Variants in ROBO1 observed in about 807,000 individuals in gnomAD.
ROBO1 encodes the protein roundabout guidance receptor 1.
A neutral mutation model predicts 195.9 loss-of-function variants in ROBO1; 149 were observed. The ratio of observed to expected loss-of-function variants is 0.76; its 90% confidence interval spans 0.67 to 0.87. ROBO1 has a LOEUF of 0.87. Ranked by LOEUF, ROBO1 falls within the 40% of genes least tolerant of loss-of-function variation. The probability of loss-of-function intolerance (pLI) is 0.00; values close to 1 mark genes in which losing one functional copy is unlikely to be tolerated. For synonymous variants in ROBO1, 816 were observed against 733.2 expected, an observed-to-expected ratio of 1.11 and a Z score of -1.82; for missense variants, 1,933 against 2,068.3, an observed-to-expected ratio of 0.93 and a Z score of 1.27.
At chr3:79,604,038 T>C (rs1477592822) in intron 1 of ROBO1, among the ~76,000 whole-genome samples, 1 of 152,056 alleles carries the variant, frequency 6.6e-6, no homozygotes, top group Non-Finnish European at 1.5e-5. Context: ...GTTCTTTTAA[T>C]AAACAATTTC....
intron 4 of ROBO1, among the ~76,000 whole-genome samples, chr3:78,821,552 CT>C (rs1167151167): frequency 6.6e-6 from 1 of 152,050 alleles, no homozygotes; most frequent in East Asian, 1.9e-4. Context: ...CATTTTTCCC[CT>C]CTAAATTGCT....
chr3:79,587,267 C>T (rs1353903651), intron 2 of ROBO1, among the ~76,000 whole-genome samples: 1 of 151,644 alleles, frequency 6.6e-6, no homozygotes, highest in Non-Finnish European at 1.5e-5. Flanking sequence ...CAGTTCCAGA[C>T]ATTACATTCA....
intron 4 of ROBO1, among the ~76,000 whole-genome samples, chr3:78,884,110 C>T (rs1327257552): frequency 6.6e-6 from 1 of 152,036 alleles, no homozygotes; most frequent in Non-Finnish European, 1.5e-5. Flanking sequence ...ATGGTAGCCA[C>T]TCAATACATT....
intron 24 of ROBO1, among the ~76,000 whole-genome samples, chr3:78,633,686 C>A (rs1172191033): frequency 1.2e-4 from 19 of 152,172 alleles, no homozygotes; most frequent in Admixed American, 1.2e-3. Flanking sequence ...CATGTTTCTT[C>A]TGGCTTTGCT....
chr3:79,199,025 TC>T (rs1270432627), intron 2 of ROBO1, among the ~76,000 whole-genome samples: 1 of 152,008 alleles, frequency 6.6e-6, no homozygotes, highest in African/African-American at 2.4e-5. Flanking sequence ...TTTATTTATT[TC>T]TCTTGCCTGA....
intron 1 of ROBO1, among the ~76,000 whole-genome samples, chr3:79,753,237 A>T (rs2107485416): frequency 6.6e-6 from 1 of 152,136 alleles, no homozygotes; most frequent in East Asian, 1.9e-4. Flanking sequence ...CTTAGTTCAC[A>T]TTCCCAGCAA....
intron 4 of ROBO1, among the ~76,000 whole-genome samples, chr3:78,878,826 A>G (rs1402019542): frequency 6.6e-6 from 1 of 152,190 alleles, no homozygotes; most frequent in East Asian, 1.9e-4. Context: ...CCAAAAGTTG[A>G]ATATCACCTT....
At chr3:79,543,347 T>G (rs1279570146) in intron 2 of ROBO1, among the ~76,000 whole-genome samples, 1 of 152,112 alleles carries the variant, frequency 6.6e-6, no homozygotes, top group Non-Finnish European at 1.5e-5. Flanking sequence ...TCTATGGCAT[T>G]AAACCAGACA....
intron 2 of ROBO1, among the ~76,000 whole-genome samples, chr3:79,316,245 T>C (rs186285771): frequency 6.6e-6 from 1 of 151,910 alleles, no homozygotes; most frequent in Non-Finnish European, 1.5e-5. Flanking sequence ...GAGGAGGAGG[T>C]TCAAGAATGG....
chr3:79,405,251 C>T (rs1444966954), intron 2 of ROBO1, among the ~76,000 whole-genome samples: 1 of 152,156 alleles, frequency 6.6e-6, no homozygotes, highest in Non-Finnish European at 1.5e-5. Flanking sequence ...ATAGTCCTCT[C>T]TGGTTCTATG....
rs1381433079 is a variant in ROBO1 at position 79,009,617 on chromosome 3, C to T, written c.173-70690G>A. Among the ~76,000 whole-genome samples, 4 of 152,286 alleles carry T rather than the reference C, an allele frequency of 2.6e-5. No homozygotes were observed. In the South Asian group the frequency reaches 6.2e-4, roughly 24 times the overall value. ...TTCTGAAAGAGTATTGATTACAGTGCTGTTTTTGATAGCTATCACAGACTT... is the reference window on the plus strand; with the variant it reads ...TTCTGAAAGAGTATTGATTACAGTGTTGTTTTTGATAGCTATCACAGACTT... On this transcript the variant is annotated intron_variant, in intron 3 of 30. Transcript: ENST00000464233.
At chr3:78,954,229 C>A (rs1443119644) in intron 3 of ROBO1, among the ~76,000 whole-genome samples, 2 of 151,882 alleles carry the variant, frequency 1.3e-5, no homozygotes, top group Non-Finnish European at 2.9e-5. Context: ...CTAACTAAAG[C>A]CATCTATAAT....
At chr3:78,887,856 T>C (rs2036655162) in intron 4 of ROBO1, among the ~76,000 whole-genome samples, 1 of 152,162 alleles carries the variant, frequency 6.6e-6, no homozygotes, top group Non-Finnish European at 1.5e-5. Context: ...CACTGAATCC[T>C]GCTTCAGCAG....
chr3:79,013,883 C>T (rs997832711), intron 3 of ROBO1, among the ~76,000 whole-genome samples: 5 of 152,196 alleles, frequency 3.3e-5, no homozygotes, highest in Non-Finnish European at 5.9e-5. Context: ...AGAGTTGGAA[C>T]TCCATCTCAT....
At chr3:79,427,882 C>A (rs1407926713) in intron 2 of ROBO1, among the ~76,000 whole-genome samples, 1 of 152,022 alleles carries the variant, frequency 6.6e-6, no homozygotes, top group African/African-American at 2.4e-5. Context: ...TTGGACTGGG[C>A]AAAGATTTCT....
At chr3:79,053,649 G>A (rs562069907) in intron 3 of ROBO1, among the ~76,000 whole-genome samples, 10 of 151,746 alleles carry the variant, frequency 6.6e-5, no homozygotes, top group South Asian at 4.2e-4. Context: ...TCACCAGTAC[G>A]CTTCTGCTCC....
intron 3 of ROBO1, among the ~76,000 whole-genome samples, chr3:78,947,464 T>C (rs1020048083): frequency 6.6e-6 from 1 of 152,352 alleles, no homozygotes; most frequent in Non-Finnish European, 1.5e-5. Context: ...AAAGATGTTC[T>C]TTGAAACCAA....
chr3:78,985,355 T>C (rs1479513349), intron 3 of ROBO1, among the ~76,000 whole-genome samples: 1 of 152,172 alleles, frequency 6.6e-6, no homozygotes, highest in African/African-American at 2.4e-5. Flanking sequence ...GAATACAGCT[T>C]ATAATACATA....
intron 1 of ROBO1, among the ~76,000 whole-genome samples, chr3:79,749,413 G>T (rs939410687): frequency 6.6e-6 from 1 of 152,178 alleles, no homozygotes; most frequent in Admixed American, 6.5e-5. Context: ...TTTTTGAGGA[G>T]AAATTCAAGC....
Sources: allele counts gnomAD v4.1 joint callset (sites outside exome capture counted in the v4.1 genomes callset), GRCh38; gene constraint gnomAD v4.1.1; transcripts MANE v1.5; gene names NCBI Gene and HGNC (gene_info 2026-07-23, HGNC 2026-07-21).